SAV1: variants seen among roughly 807,000 people sequenced by gnomAD.
SAV1 encodes the protein salvador family WW domain containing protein 1.
In SAV1, 23 loss-of-function variants were observed where a neutral mutation model predicts 47.3. The ratio of observed to expected loss-of-function variants is 0.49; its 90% CI spans 0.35 to 0.69. The LOEUF (loss-of-function observed/expected upper bound fraction) is 0.69, where lower values mean the gene tolerates loss of function less well. SAV1 is among the 30% of genes least tolerant of loss of function. The pLI is 0.01. For synonymous variants in SAV1, 155 were observed against 159.2 expected, an observed-to-expected ratio of 0.97 and a Z score of 0.20; for missense variants, 448 against 457.4, an observed-to-expected ratio of 0.98 and a Z score of 0.19.
At chr14:50,653,549 AATTT>A (rs2140257952) in intron 2 of SAV1, among the ~76,000 whole-genome samples, 4 of 152,252 alleles carry the variant, frequency 2.6e-5, no homozygotes, top group African/African-American at 9.6e-5. Context: ...GAGTTACGTG[AATTT>A]GTTTGTTTCC....
intron 2 of SAV1, among the ~76,000 whole-genome samples, chr14:50,658,609 T>A (rs907196234): frequency 3.9e-5 from 6 of 152,192 alleles, no homozygotes; most frequent in African/African-American, 1.4e-4. Flanking sequence ...AATAACTAAT[T>A]GACAGGAATT....
At chr14:50,639,367 A>T (rs947310399) in intron 4 of SAV1, among the ~76,000 whole-genome samples, 1 of 63,808 alleles carries the variant, frequency 1.6e-5, no homozygotes, top group African/African-American at 7.5e-5. Flanking sequence ...GTGATAATTG[A>T]TTCTCATTAT....
At chr14:50,656,000 G>A (rs1035510399) in intron 2 of SAV1, among the ~76,000 whole-genome samples, 11 of 152,162 alleles carry the variant, frequency 7.2e-5, no homozygotes, top group African/African-American at 2.4e-4. Context: ...AGCCAAGATC[G>A]TGCCATTGCA....
intron 2 of SAV1, among the ~76,000 whole-genome samples, chr14:50,650,404 G>C (rs945557062): frequency 6.6e-6 from 1 of 152,170 alleles, no homozygotes; most frequent in African/African-American, 2.4e-5. Flanking sequence ...TGTGAAAAAA[G>C]AGTCTGGACA....
intron 2 of SAV1, among the ~76,000 whole-genome samples, chr14:50,657,569 T>C (rs886823114): frequency 6.6e-6 from 1 of 152,140 alleles, no homozygotes; most frequent in Admixed American, 6.5e-5. Flanking sequence ...TAAAGAAAAA[T>C]ATGACTACCA....
At chr14:50,644,519 AC>A (rs1209687229) in intron 3 of SAV1, among the ~76,000 whole-genome samples, 1 of 151,978 alleles carries the variant, frequency 6.6e-6, no homozygotes, top group African/African-American at 2.4e-5. Flanking sequence ...GATCATAAGA[AC>A]AATGATCTTG....
At chr14:50,661,552 T>C (rs1316567592) in intron 2 of SAV1, among the ~76,000 whole-genome samples, 5 of 152,200 alleles carry the variant, frequency 3.3e-5, no homozygotes, top group Non-Finnish European at 7.4e-5. Context: ...CTACATTTTC[T>C]TCTAGTACTT....
rs2039918721 is a variant in SAV1 at position 50,667,990 on chromosome 14, C to T, written c.-23G>A. ...CATCCTTCTCGACGAGGCCCGAGGC[C>T]GCGCTGAACTGCCTCCCTAGGGCTC... On this transcript the variant is annotated 5_prime_UTR_variant, in exon 1 of 5. Transcript: ENST00000324679. 2 of 1,596,096 alleles carry T rather than the reference C, an allele frequency of 1.3e-6. No homozygotes were observed. Among genetic ancestry groups the T allele is most frequent in the Middle Eastern group, 2.3e-4 (1 of 4,414 alleles).
chr14:50,655,257 C>T (rs1595646969), intron 2 of SAV1, among the ~76,000 whole-genome samples: 1 of 152,228 alleles, frequency 6.6e-6, no homozygotes, highest in East Asian at 1.9e-4. Flanking sequence ...AAATGCTTTA[C>T]AGCCAAAACC....
intron 3 of SAV1, among the ~76,000 whole-genome samples, chr14:50,641,724 T>C (rs1000712428): frequency 1.3e-5 from 2 of 152,214 alleles, no homozygotes; most frequent in Non-Finnish European, 2.9e-5. Context: ...GATGCTGGTA[T>C]GGTTGCAAAG....
intron 2 of SAV1, among the ~76,000 whole-genome samples, chr14:50,656,663 C>T (rs2039815238): frequency 6.6e-6 from 1 of 151,966 alleles, no homozygotes; most frequent in Admixed American, 6.6e-5. Flanking sequence ...AGGATGGTCT[C>T]GATCTCCTGA....
chr14:50,658,398 C>G (rs1044211401), intron 2 of SAV1, among the ~76,000 whole-genome samples: 6 of 152,172 alleles, frequency 3.9e-5, no homozygotes, highest in Non-Finnish European at 8.8e-5. Flanking sequence ...GGATTCCTTT[C>G]TTTGGAACAT....
At chr14:50,656,511 C>T (rs2039813826) in intron 2 of SAV1, among the ~76,000 whole-genome samples, 1 of 149,240 alleles carries the variant, frequency 6.7e-6, no homozygotes, top group Admixed American at 6.7e-5. Context: ...GGCGCGATCT[C>T]CGCTCACTGC....
chr14:50,654,770 C>A (rs981522069), intron 2 of SAV1, among the ~76,000 whole-genome samples: 1 of 152,138 alleles, frequency 6.6e-6, no homozygotes, highest in Non-Finnish European at 1.5e-5. Flanking sequence ...AGATAAAAGG[C>A]TTATGGAGAA....
chr14:50,658,980 G>A (rs368612573), intron 2 of SAV1, among the ~76,000 whole-genome samples: 1 of 151,788 alleles, frequency 6.6e-6, no homozygotes, highest in Non-Finnish European at 1.5e-5. Context: ...TTTCTACAAG[G>A]TAAAACATTA....
intron 2 of SAV1, among the ~76,000 whole-genome samples, chr14:50,651,801 T>G (rs2039771996): frequency 6.6e-6 from 1 of 152,066 alleles, no homozygotes; most frequent in African/African-American, 2.4e-5. Flanking sequence ...TAATTTCTTT[T>G]ATTATTTTTT....
At chr14:50,666,678 G>T (rs2039903892) in intron 1 of SAV1, among the ~76,000 whole-genome samples, 2 of 151,308 alleles carry the variant, frequency 1.3e-5, no homozygotes, top group Admixed American at 1.3e-4. Context: ...CATAATTCAC[G>T]ATTTCAAGTA....
chr14:50,662,294 A>G (rs1008032540), intron 2 of SAV1, among the ~76,000 whole-genome samples: 5 of 151,934 alleles, frequency 3.3e-5, no homozygotes, highest in African/African-American at 1.2e-4. Context: ...TCAGCCTCCC[A>G]AGTAGCTGGG....
chr14:50,655,229 A>G (rs1449008926), intron 2 of SAV1, among the ~76,000 whole-genome samples: 1 of 152,186 alleles, frequency 6.6e-6, no homozygotes, highest in Non-Finnish European at 1.5e-5. Context: ...TTACATTCTA[A>G]TATGTTCATT....
Sources: gnomAD v4.1 joint callset for allele counts (sites outside exome capture counted in the v4.1 genomes callset) on GRCh38, gnomAD v4.1.1 for gene constraint, MANE v1.5 for transcripts, NCBI Gene and HGNC (gene_info 2026-07-23, HGNC 2026-07-21) for gene names.